DOC2A: variants seen among roughly 807,000 people sequenced by gnomAD.
DOC2A encodes double C2-like domain-containing protein alpha.
DOC2A carries 28 observed loss-of-function variants against 40.6 expected under a neutral mutation model. The observed-to-expected ratio is 0.69, with a 90% CI of 0.51 to 0.95. The LOEUF (loss-of-function observed/expected upper bound fraction) is 0.95, where lower values mean the gene tolerates loss of function less well. DOC2A is among the 40% of genes least tolerant of loss of function. The pLI is 0.00. For synonymous variants in DOC2A, 241 were observed against 236.9 expected (o/e 1.02, Z -0.16); for missense variants, 474 against 552.5 (o/e 0.86, Z 1.42).
intron 5 of DOC2A, 149 bp from the exon 6 acceptor site, chr16:30,007,448 C>T: frequency 2.7e-6 from 3 of 1,114,794 alleles, no homozygotes; most frequent in Non-Finnish European, 3.9e-6. Context: ...AGCAGATTTG[C>T]CCATTCCTCT....
chr16:30,020,676 C>G (rs188929261), intron 1 of DOC2A, among the ~76,000 whole-genome samples: 267 of 152,156 alleles, frequency 1.8e-3, no homozygotes, highest in African/African-American at 6.0e-3. Flanking sequence ...AATTCCGTCT[C>G]TACTTTAAAA....
In DOC2A at chr16:30,006,292, C is replaced by T. The variant is rs373250621; in HGVS notation, c.1097G>A (p.Arg366Gln). 28 of 1,609,476 alleles carry T rather than the reference C, an allele frequency of 1.7e-5. No homozygotes were observed. The highest frequency in any genetic ancestry group is 1.7e-4 in the African/African-American group (13 of 74,824). Residue 366 changes from arginine to glutamine, a missense_variant, in exon 11 of 11, where the codon CGG becomes CAG. Coordinates refer to ENST00000350119, the MANE Select transcript of DOC2A (RefSeq NM_003586.3). The surrounding 1 kb of genome is among the most constrained non-coding windows in gnomAD (Gnocchi z 6.2). ...CTGCAGGCAGTCACTCCAGTGCTTC[C>T]GAGCCTCGCCTCGGGCACCTGGCCC... is the stretch of plus-strand genomic sequence containing the variant. ...SLGPGARGEA[R>Q]KHWSDCLQQP...
At chr16:30,011,510 G>T (rs1471634856), upstream of DOC2A, 2 of 740,200 alleles carry the variant, frequency 2.7e-6, no homozygotes, top group Non-Finnish European at 3.3e-6. Context: ...CCGGACCACC[G>T]GCCTCGTTGT....
At position 30,006,316 on chromosome 16, in the gene DOC2A, C is replaced by T; in HGVS notation, c.1073G>A (p.Gly358Glu). ...SNDFIGGVSL[G>E]PGARGEARKH... ...CCGAGCCTCGCCTCGGGCACCTGGC[C>T]CCAGGGACACGCCACCTGGGGAGCA... Residue 358 changes from glycine to glutamate, a missense_variant, in exon 11 of 11, where the codon GGG becomes GAG. Physicochemically the swap from Gly to Glu is moderately conservative, Grantham distance 98 (BLOSUM62 -2). Transcript: ENST00000350119. This position sits in a 1 kb window ranked among gnomAD's most constrained non-coding sequence, Gnocchi z 6.2. 2 of 1,611,742 alleles carry T rather than the reference C, an allele frequency of 1.2e-6. No homozygotes were observed. The highest frequency in any genetic ancestry group is 2.2e-5 in the East Asian group (1 of 44,826).
intron 5 of DOC2A, chr16:30,007,723 C>T (rs74392066): frequency 1.4e-5 from 4 of 281,748 alleles, no homozygotes; most frequent in South Asian, 3.7e-5. Flanking sequence ...GAGCCAGCCC[C>T]GCAGGGACTC....
In DOC2A at chr16:30,006,203, C is replaced by T; in HGVS notation, c.1186G>A (p.Ala396Thr). The T allele has an allele frequency of 6.3e-7, 1 of 1,584,690 alleles. No individual in the cohort carries two copies. The highest frequency in any genetic ancestry group is 8.6e-7 in the Non-Finnish European group (1 of 1,167,168). The stretch of plus-strand genomic sequence containing the variant: ...CTGTCCACTCAGGCTGAGGACAGAG[C>T]CCCGGCCGCAGGGGGCAGCTCACTG... ...LTSELPPAAG[A>T]LSSA Residue 396 changes from alanine to threonine, a missense_variant, in exon 11 of 11, where the codon GCT (alanine) becomes ACT (threonine). Physicochemically the swap from Ala to Thr is moderately conservative, Grantham distance 58. Transcript: ENST00000350119. The surrounding 1 kb of genome is among the most constrained non-coding windows in gnomAD (Gnocchi z 6.2).
At chr16:30,019,233 G>A (rs377618697) in intron 1 of DOC2A, among the ~76,000 whole-genome samples, 17 of 152,254 alleles carry the variant, frequency 1.1e-4, no homozygotes, top group African/African-American at 3.4e-4. Context: ...TGGGAGAATC[G>A]TTTGAACCCG....
At chr16:30,013,622 A>AATAAAATAAAAAAAAT (rs1186474493), upstream of DOC2A, 98 of 141,602 alleles carry the variant, frequency 6.9e-4, 4 homozygotes, top group African/African-American at 2.0e-3. Flanking sequence ...AAAAAAAAAA[A>AATAAAATAAAAAAAAT]AAAAATCCTT....
Position 30,006,236 on chromosome 16 carries a change from T to C in DOC2A, c.1153A>G (p.Thr385Ala), listed in dbSNP as rs2070582483. 1 of 1,592,564 alleles carries C rather than the reference T, an allele frequency of 6.3e-7. No homozygotes were observed. Among genetic ancestry groups the C allele is most frequent in the Non-Finnish European group, 8.5e-7 (1 of 1,170,820 alleles). Residue 385 changes from threonine to alanine, a missense_variant, in exon 11 of 11, where the codon ACC becomes GCC. Thr to Ala is a moderately conservative substitution (Grantham distance 58). Transcript: ENST00000350119. This position sits in a 1 kb window ranked among gnomAD's most constrained non-coding sequence, Gnocchi z 6.2. ...QPDAALERWH[T>A]LTSELPPAAG... is the part of the protein sequence containing the mutation. ...GCAGGGGGCAGCTCACTGGTCAGGG[T>C]GTGCCAGCGCTCCAGGGCTGCGTCC...
In DOC2A at chr16:30,006,721, G is replaced by T; in HGVS notation, c.879-44C>A. The stretch of plus-strand genomic sequence containing the variant: ...GAGACGAACTGAGGGGTGAGGGACA[G>T]GCCAGGCCCAACTCAGGCCAGGGCA... On this transcript the variant is annotated intron_variant, in intron 8 of 10. Coordinates refer to ENST00000350119, the MANE Select transcript of DOC2A (RefSeq NM_003586.3). The surrounding 1 kb of genome is among the most constrained non-coding windows in gnomAD (Gnocchi z 6.2). 3.1e-6 allele frequency: 5 copies of T among 1,613,848 alleles called. No homozygotes were observed. Among genetic ancestry groups the T allele is most frequent in the Non-Finnish European group, 4.2e-6 (5 of 1,179,894 alleles).
At chr16:30,015,780 A>G (rs573452762), upstream of DOC2A, among the ~76,000 whole-genome samples, 6 of 142,168 alleles carry the variant, frequency 4.2e-5, no homozygotes, top group African/African-American at 1.3e-4. Context: ...AGCTCACGAC[A>G]TCCTCGAACT....
chr16:30,011,029 G>GGGAGGAGGGGGTGAGCGAGGT, upstream of DOC2A: 1 of 986,610 alleles, frequency 1.0e-6, no homozygotes, highest in Non-Finnish European at 1.2e-6. Context: ...AGAAAGTGCG[G>GGGAGGAGGGGGTGAGCGAGGT]GGAGGAGGGG....
rs200195038 is a variant in DOC2A, at chr16:30,006,869, C to G, written c.794G>C (p.Arg265Pro). 1 of 1,613,526 alleles carries G rather than the reference C, an allele frequency of 6.2e-7. No homozygotes were observed. The highest frequency in any genetic ancestry group is 8.5e-7 in the Non-Finnish European group (1 of 1,179,760). ...CAAGATGCCTACCAGCAGTCCCCGG[C>G]GCCGCGAGCTGTAGCTGAGACTCAG... ...ILLSLSYSSR[R>P]RGLLVGILRC... Residue 265 changes from arginine to proline, a missense_variant, in exon 8 of 11, where the codon CGC (arginine) becomes CCC (proline). Transcript: ENST00000350119. This position sits in a 1 kb window ranked among gnomAD's most constrained non-coding sequence, Gnocchi z 6.2.
At chr16:30,013,141 G>A (rs2070811597), upstream of DOC2A, among the ~76,000 whole-genome samples, 1 of 133,974 alleles carries the variant, frequency 7.5e-6, no homozygotes, top group Non-Finnish European at 1.5e-5. Flanking sequence ...GGGCAACATG[G>A]TGAGGCCCTG....
In DOC2A at chr16:30,010,943, G is replaced by A; in HGVS notation, c.-54C>T. On this transcript the variant is annotated 5_prime_UTR_variant, in exon 1 of 11. Coordinates refer to ENST00000350119, the MANE Select transcript of DOC2A (RefSeq NM_003586.3). The surrounding 1 kb of genome is among the most constrained non-coding windows in gnomAD (Gnocchi z 4.2). The stretch of plus-strand genomic sequence containing the variant: ...GTGCCCAGGCACTGGGGGGACGGCG[G>A]GCGCAGGCTGGGCGGCGGCGGCCGG... 2.0e-6 allele frequency: 2 copies of A among 1,012,000 alleles called. No homozygotes were observed. Among genetic ancestry groups the A allele is most frequent in the Non-Finnish European group, 2.4e-6 (2 of 845,740 alleles). The allele number at this position is 1,012,000 out of a possible 1,614,324, so 62.7% of individuals were successfully genotyped here.
chr16:30,005,622 G>A lies in DOC2A; in HGVS notation c.*564C>T. 1.6e-6 allele frequency: 1 copy of A among 642,482 alleles called. No individual in the cohort carries two copies. The highest frequency in any genetic ancestry group is 2.7e-6 in the Non-Finnish European group (1 of 374,340). The allele number at this position is 642,482 out of a possible 1,614,324, so 39.8% of individuals were successfully genotyped here. On this transcript the variant is annotated 3_prime_UTR_variant, in exon 11 of 11. Coordinates refer to ENST00000350119, the MANE Select transcript of DOC2A (RefSeq NM_003586.3). ...CCCCCAGGAGGGTGGCAGGGGCCCT[G>A]CCTTCAAACCCCGGCCCCCTCCAGG...
At position 30,006,863 on chromosome 16, in the gene DOC2A, C is replaced by T. The variant is rs1407880154; in HGVS notation, c.800G>A (p.Gly267Glu). 1 of 1,613,584 alleles carries T rather than the reference C, an allele frequency of 6.2e-7. No homozygotes were observed. Among genetic ancestry groups the T allele is most frequent in the Non-Finnish European group, 8.5e-7 (1 of 1,179,782 alleles). The change falls in exon 8 of 11, where the codon GGA becomes GAA. Residue 267 changes from glycine to glutamate, a missense_variant. Physicochemically the swap from Gly to Glu is moderately conservative, Grantham distance 98. Coordinates refer to ENST00000350119, the MANE Select transcript of DOC2A (RefSeq NM_003586.3). The surrounding 1 kb of genome is among the most constrained non-coding windows in gnomAD (Gnocchi z 6.2). ...GCAGCGCAAGATGCCTACCAGCAGTCCCCGGCGCCGCGAGCTGTAGCTGAG... is the reference window on the plus strand; with the variant it reads ...GCAGCGCAAGATGCCTACCAGCAGTTCCCGGCGCCGCGAGCTGTAGCTGAG... Reference protein sequence around the residue: ...LSLSYSSRRRGLLVGILRCAH... With the variant: ...LSLSYSSRRRELLVGILRCAH...
chr16:30,015,384 C>G (rs1225874406), upstream of DOC2A: 1 of 152,214 alleles, frequency 6.6e-6, no homozygotes. Flanking sequence ...TGCTCGATCG[C>G]GGCTCACCGC....
chr16:30,012,079 C>G (rs1162011854), upstream of DOC2A: 1 of 152,554 alleles, frequency 6.6e-6, no homozygotes, highest in Non-Finnish European at 1.5e-5. Context: ...CTTACCATCC[C>G]GAAGACACGA....
Sources: allele counts gnomAD v4.1 joint callset (sites outside exome capture counted in the v4.1 genomes callset), GRCh38; gene constraint gnomAD v4.1.1; non-coding constraint Gnocchi (gnomAD v3.1); transcripts MANE v1.5; gene names NCBI Gene and HGNC (gene_info 2026-07-23, HGNC 2026-07-21).